CSMD1: variants seen among roughly 807,000 people sequenced by gnomAD.
CSMD1 encodes CUB and Sushi multiple domains 1.
Under a neutral mutation model 417.5 loss-of-function variants are expected in CSMD1, and 213 were observed. That is an observed-to-expected ratio of 0.51 (90% confidence interval 0.46 to 0.57). The LOEUF is 0.57. Ranked by LOEUF, CSMD1 falls within the 20% of genes least tolerant of loss-of-function variation. The probability of loss-of-function intolerance (pLI) is 0.00; values close to 1 mark genes in which losing one functional copy is unlikely to be tolerated. For missense variants in CSMD1, 6,923 were observed against 4,529.7 expected, an observed-to-expected ratio of 1.53 and a Z score of -15.17; for synonymous variants, 2,862 against 1,736.8, an observed-to-expected ratio of 1.65 and a Z score of -16.11.
chr8:4,157,617 C>G (rs1475201886), intron 3 of CSMD1, among the ~76,000 whole-genome samples: 1 of 152,190 alleles, frequency 6.6e-6, no homozygotes, highest in African/African-American at 2.4e-5. Context: ...ATCTTTCACG[C>G]AGAGTTGATT....
chr8:4,476,587 C>T (rs963241037), intron 2 of CSMD1, among the ~76,000 whole-genome samples: 1 of 152,124 alleles, frequency 6.6e-6, no homozygotes, highest in Admixed American at 6.5e-5. Flanking sequence ...TAGGTCTCCA[C>T]AACACTTTTA....
chr8:4,510,442 C>T (rs1292537197), intron 2 of CSMD1, among the ~76,000 whole-genome samples: 1 of 108,366 alleles, frequency 9.2e-6, no homozygotes, highest in East Asian at 2.8e-4. Flanking sequence ...TTGTTCCAAA[C>T]ATACGCTTTA....
chr8:3,350,595 T>C (rs1361449706), intron 21 of CSMD1, among the ~76,000 whole-genome samples: 1 of 152,182 alleles, frequency 6.6e-6, no homozygotes, highest in South Asian at 2.1e-4. Context: ...AAAACTGGAG[T>C]AACACAAGTT....
intron 3 of CSMD1, among the ~76,000 whole-genome samples, chr8:4,077,279 C>CTATATATATATATATGTACATA (rs1799868661): frequency 1.1e-5 from 1 of 94,992 alleles, no homozygotes; most frequent in African/African-American, 4.2e-5. Flanking sequence ...CATTTGTCAC[C>CTATATATATATATATGTACATA]TATATATATA....
intron 3 of CSMD1, among the ~76,000 whole-genome samples, chr8:4,229,556 C>A (rs918152479): frequency 2.0e-5 from 3 of 152,156 alleles, no homozygotes; most frequent in African/African-American, 7.2e-5. Context: ...ACCCAGCATT[C>A]CCCATCCTCA....
chr8:3,866,581 C>T (rs34553815), intron 5 of CSMD1, among the ~76,000 whole-genome samples: 12,379 of 152,178 alleles, frequency 0.081, 586 homozygotes, highest in South Asian at 0.15. Context: ...ACACTAGCCA[C>T]TGAAAACACC....
At chr8:3,222,718 T>C (rs1798287953) in intron 28 of CSMD1, among the ~76,000 whole-genome samples, 1 of 152,168 alleles carries the variant, frequency 6.6e-6, no homozygotes, top group Non-Finnish European at 1.5e-5. Context: ...ATCTAAAAAA[T>C]ATAGCCAGTG....
intron 26 of CSMD1, among the ~76,000 whole-genome samples, chr8:3,271,391 G>C (rs971933457): frequency 2.6e-5 from 4 of 151,852 alleles, no homozygotes; most frequent in Admixed American, 2.0e-4. Flanking sequence ...ATAAACATAC[G>C]TGTACATGTG....
intron 1 of CSMD1, among the ~76,000 whole-genome samples, chr8:4,991,681 C>A (rs927321169): frequency 6.6e-6 from 1 of 152,106 alleles, no homozygotes; most frequent in Admixed American, 6.5e-5. Context: ...CGGGGCCCAG[C>A]GCCGACGCCC....
intron 1 of CSMD1, among the ~76,000 whole-genome samples, chr8:4,640,016 A>C (rs375115821): frequency 1.3e-5 from 2 of 152,214 alleles, no homozygotes; most frequent in African/African-American, 4.8e-5. Context: ...AAAAGGGAAG[A>C]CTTGATTATA....
rs1033126624 is a variant in CSMD1, at chr8:3,214,681, C to A, written c.4683G>T (p.Arg1561=). ...GFAIEFKEKP[R]EACFDPGNIM... is the part of the protein sequence containing the mutation. ...TATTTCCTGGGTCAAAACAAGCTTC[C>A]CGTGGTTTCTCTGTGGAAGAAATGA... is the stretch of plus-strand genomic sequence containing the variant. The change falls in exon 30 of 70, where the codon CGG becomes CGT. Residue 1561 remains arginine, a synonymous_variant. Transcript: ENST00000635120. 3 of 1,550,008 alleles carry A rather than the reference C, an allele frequency of 1.9e-6. No individual in the cohort carries two copies. The highest frequency in any genetic ancestry group is 2.6e-6 in the Non-Finnish European group (3 of 1,146,262).
chr8:3,076,905 T>C (rs1813723187), intron 49 of CSMD1, among the ~76,000 whole-genome samples: 1 of 152,152 alleles, frequency 6.6e-6, no homozygotes, highest in South Asian at 2.1e-4. Context: ...CTGGATATAC[T>C]ACATAATGAA....
chr8:4,486,952 G>C (rs1036191195), intron 2 of CSMD1, among the ~76,000 whole-genome samples: 3 of 152,154 alleles, frequency 2.0e-5, no homozygotes, highest in African/African-American at 4.8e-5. Context: ...CTAAATGGTA[G>C]CTCACAGAGA....
At chr8:3,541,644 T>C (rs1798442928) in intron 10 of CSMD1, among the ~76,000 whole-genome samples, 1 of 149,918 alleles carries the variant, frequency 6.7e-6, no homozygotes, top group Non-Finnish European at 1.5e-5. Flanking sequence ...TCTTCACTAA[T>C]CAAATTAATC....
intron 2 of CSMD1, among the ~76,000 whole-genome samples, chr8:4,512,187 T>G (rs768246602): frequency 6.6e-6 from 1 of 152,154 alleles, no homozygotes; most frequent in Non-Finnish European, 1.5e-5. Context: ...AAAAATCACA[T>G]GATCACATCA....
chr8:4,160,310 C>A (rs369253241), intron 3 of CSMD1, among the ~76,000 whole-genome samples: 1 of 152,012 alleles, frequency 6.6e-6, no homozygotes, highest in East Asian at 1.9e-4. Context: ...TCTCCAGCAA[C>A]AAGCATAAAA....
chr8:4,749,012 G>T (rs768536171), intron 1 of CSMD1, among the ~76,000 whole-genome samples: 1 of 152,112 alleles, frequency 6.6e-6, no homozygotes, highest in Non-Finnish European at 1.5e-5. Flanking sequence ...CCTTTGTCAC[G>T]GTGACCAGTT....
chr8:3,953,507 T>C (rs2129901510), intron 5 of CSMD1, among the ~76,000 whole-genome samples: 1 of 152,278 alleles, frequency 6.6e-6, no homozygotes, highest in African/African-American at 2.4e-5. Flanking sequence ...GGGGTTTCAC[T>C]GGGAAAAGAT....
At chr8:3,210,749 G>C (rs916941421) in intron 30 of CSMD1, among the ~76,000 whole-genome samples, 1 of 150,302 alleles carries the variant, frequency 6.7e-6, no homozygotes, top group Non-Finnish European at 1.5e-5. Context: ...CCACAGAAAA[G>C]GTATTTTTCC....
Sources: gnomAD v4.1 joint callset for allele counts (sites outside exome capture counted in the v4.1 genomes callset) on GRCh38, gnomAD v4.1.1 for gene constraint, MANE v1.5 for transcripts, NCBI Gene and HGNC (gene_info 2026-07-23, HGNC 2026-07-21) for gene names.